FBXL7: variants seen among roughly 807,000 people sequenced by gnomAD.
FBXL7 encodes F-box and leucine rich repeat protein 7, also known as F-box/LRR-repeat protein 7.
A neutral mutation model predicts 38.3 loss-of-function variants in FBXL7; 12 were observed. That is an observed-to-expected ratio of 0.31 (90% CI 0.20 to 0.51). The LOEUF is 0.51. FBXL7 is among the 20% of genes least tolerant of loss of function. The pLI, the probability that FBXL7 is intolerant of heterozygous loss-of-function variation, is 0.98. For synonymous variants in FBXL7, 297 were observed against 300.9 expected (o/e 0.99, Z 0.13); for missense variants, 567 against 676.4 (o/e 0.84, Z 1.79).
chr5:15,827,117 G>A (rs1451156294), intron 2 of FBXL7, among the ~76,000 whole-genome samples: 1 of 151,994 alleles, frequency 6.6e-6, no homozygotes, highest in African/African-American at 2.4e-5. Context: ...CATCCTTATA[G>A]CCCCTTAATT....
chr5:15,605,829 T>C (rs1739989915), intron 1 of FBXL7, among the ~76,000 whole-genome samples: 1 of 152,210 alleles, frequency 6.6e-6, no homozygotes. Flanking sequence ...CTTTGTCATT[T>C]GGCAATGGCG....
chr5:15,917,638 A>AAGGG (rs200251388), intron 2 of FBXL7, among the ~76,000 whole-genome samples: 1,886 of 77,536 alleles, frequency 0.024, 51 homozygotes, highest in African/African-American at 0.08. Flanking sequence ...AAAGTAAAGG[A>AAGGG]AGGGAGGGAA....
chr5:15,825,381 G>T (rs1158718391), intron 2 of FBXL7, among the ~76,000 whole-genome samples: 1 of 146,896 alleles, frequency 6.8e-6, no homozygotes, highest in Non-Finnish European at 1.5e-5. Context: ...TTATTTGGAA[G>T]AAAAAAAAAA....
intron 2 of FBXL7, among the ~76,000 whole-genome samples, chr5:15,721,705 C>G (rs920082898): frequency 6.6e-6 from 1 of 152,112 alleles, no homozygotes; most frequent in Non-Finnish European, 1.5e-5. Flanking sequence ...AGTTTAACTT[C>G]TCAAAACATT....
chr5:15,927,764 TAAA>T (rs753935096), intron 2 of FBXL7, 123 bp from the exon 3 acceptor site: 1,190 of 455,558 alleles, frequency 2.6e-3, no homozygotes, highest in East Asian at 7.0e-3. Flanking sequence ...GACAAGATCT[TAAA>T]AAAAAAAAAA....
intron 2 of FBXL7, among the ~76,000 whole-genome samples, chr5:15,842,185 T>A (rs1020790798): frequency 9.9e-5 from 15 of 152,278 alleles, no homozygotes; most frequent in African/African-American, 3.6e-4. Context: ...CAGGGACCAA[T>A]CTGCCCAAGG....
chr5:15,926,291 GTAT>G (rs1473314280), intron 2 of FBXL7, among the ~76,000 whole-genome samples: 1 of 148,334 alleles, frequency 6.7e-6, no homozygotes, highest in Non-Finnish European at 1.5e-5. Context: ...GTGTATATAT[GTAT>G]TATTATATCC....
chr5:15,734,994 T>C (rs1382573893), intron 2 of FBXL7, among the ~76,000 whole-genome samples: 1 of 152,174 alleles, frequency 6.6e-6, no homozygotes, highest in East Asian at 1.9e-4. Flanking sequence ...TACAAGGGCA[T>C]GATCTTGGCT....
intron 1 of FBXL7, among the ~76,000 whole-genome samples, chr5:15,589,973 ACAATGAAGGTTGGGACTTCATTCAC>A (rs1327396178): frequency 4.6e-5 from 7 of 152,322 alleles, no homozygotes; most frequent in African/African-American, 1.7e-4. Flanking sequence ...GTTTCTAAAA[ACAATGAAGGTTGGGACTTCATTCAC>A]CATCCCATGT....
Position 15,513,707 on chromosome 5 carries a change from G to GT in FBXL7, c.37+13002dup, listed in dbSNP as rs554850387. Reference sequence around the variant, plus strand: ...AGATTCATAGGCAACATTCATATTTGTTTTTTTTAGTTTTTATTTTTAAAG... The same window carrying GT: ...AGATTCATAGGCAACATTCATATTTGTTTTTTTTTAGTTTTTATTTTTAAAG... On this transcript the variant is annotated intron_variant, in intron 1 of 3. Coordinates refer to ENST00000504595, the MANE Select transcript of FBXL7 (RefSeq NM_012304.5). 1.5e-3 allele frequency among the ~76,000 whole-genome samples: 226 copies of GT among 151,916 alleles called. 1 individual carries two copies. The highest frequency in any genetic ancestry group is 5.0e-3 in the African/African-American group (209 of 41,440).
chr5:15,680,684 G>A (rs1742816918), intron 2 of FBXL7, among the ~76,000 whole-genome samples: 17 of 152,190 alleles, frequency 1.1e-4, no homozygotes, highest in Admixed American at 1.1e-3. Context: ...GTGTGAGCCA[G>A]CTTTAATCTA....
At chr5:15,557,361 T>G (rs975124483) in intron 1 of FBXL7, among the ~76,000 whole-genome samples, 42 of 152,262 alleles carry the variant, frequency 2.8e-4, no homozygotes, top group African/African-American at 9.6e-4. Flanking sequence ...ACTGTAATAT[T>G]ATAATTAATA....
At chr5:15,801,424 TA>T (rs1250636116) in intron 2 of FBXL7, among the ~76,000 whole-genome samples, 3 of 152,098 alleles carry the variant, frequency 2.0e-5, no homozygotes, top group African/African-American at 7.2e-5. Flanking sequence ...TGATGTGTAA[TA>T]AAAAAAGTCA....
At chr5:15,500,808 C>T in intron 1 of FBXL7, 95 bp downstream of exon 1, 2 of 1,459,890 alleles carry the variant, frequency 1.4e-6, no homozygotes, top group Non-Finnish European at 1.9e-6. Flanking sequence ...CGCCCGCGGC[C>T]GTGACGCACC....
At chr5:15,744,833 A>G (rs1579427468) in intron 2 of FBXL7, among the ~76,000 whole-genome samples, 1 of 152,284 alleles carries the variant, frequency 6.6e-6, no homozygotes, top group East Asian at 1.9e-4. Context: ...AAGGGATGCA[A>G]ACATGCCCTT....
At chr5:15,919,148 G>A (rs1212278646) in intron 2 of FBXL7, among the ~76,000 whole-genome samples, 1 of 152,142 alleles carries the variant, frequency 6.6e-6, no homozygotes, top group South Asian at 2.1e-4. Flanking sequence ...ATAATAGAAA[G>A]CATCTTGCAC....
At chr5:15,831,696 T>C (rs1057374010) in intron 2 of FBXL7, among the ~76,000 whole-genome samples, 2 of 152,108 alleles carry the variant, frequency 1.3e-5, no homozygotes, top group Non-Finnish European at 2.9e-5. Flanking sequence ...GCTGCTCTCA[T>C]GGAGCATGGA....
chr5:15,920,988 C>T (rs1741725258), intron 2 of FBXL7, among the ~76,000 whole-genome samples: 1 of 152,152 alleles, frequency 6.6e-6, no homozygotes, highest in South Asian at 2.1e-4. Context: ...ATTCTGCCTT[C>T]ATGACACTTG....
At chr5:15,542,060 C>G (rs1442656929) in intron 1 of FBXL7, among the ~76,000 whole-genome samples, 1 of 151,912 alleles carries the variant, frequency 6.6e-6, no homozygotes, top group African/African-American at 2.4e-5. Flanking sequence ...TCTATCAGTT[C>G]CTGGAGATCT....
Sources: gnomAD v4.1 joint callset for allele counts (sites outside exome capture counted in the v4.1 genomes callset) on GRCh38, gnomAD v4.1.1 for gene constraint, MANE v1.5 for transcripts, NCBI Gene and HGNC (gene_info 2026-07-23, HGNC 2026-07-21) for gene names.